HSD17B12: variants seen among roughly 807,000 people sequenced by gnomAD.
HSD17B12 encodes very-long-chain 3-oxoacyl-CoA reductase.
In HSD17B12, 32 loss-of-function variants were observed where a neutral mutation model predicts 39.3. That is an observed-to-expected ratio of 0.81 (90% CI 0.61 to 1.09). The LOEUF is 1.09. Ranked by LOEUF, HSD17B12 falls within the 50% of genes least tolerant of loss-of-function variation. The pLI is 0.00. For missense variants in HSD17B12, 342 were observed against 382.9 expected, an observed-to-expected ratio of 0.89 and a Z score of 0.89; for synonymous variants, 150 against 146.7, an observed-to-expected ratio of 1.02 and a Z score of -0.16.
chr11:43,709,289 C>A (rs1000157269), intron 1 of HSD17B12, among the ~76,000 whole-genome samples: 1 of 152,214 alleles, frequency 6.6e-6, no homozygotes, highest in South Asian at 2.1e-4. Context: ...CCACACCTGG[C>A]TAAGTTTTGT....
At chr11:43,702,793 A>G (rs991634429) in intron 1 of HSD17B12, among the ~76,000 whole-genome samples, 28 of 152,060 alleles carry the variant, frequency 1.8e-4, no homozygotes, top group African/African-American at 6.3e-4. Context: ...TTTCTAAAAC[A>G]TGAGATTTTT....
intron 3 of HSD17B12, among the ~76,000 whole-genome samples, chr11:43,777,544 G>A (rs1025003420): frequency 2.0e-5 from 3 of 152,096 alleles, no homozygotes; most frequent in African/African-American, 2.4e-5. Context: ...CAATCATGTT[G>A]TCTGCAAACA....
chr11:43,810,420 C>T (rs61883825), intron 4 of HSD17B12, among the ~76,000 whole-genome samples: 7,626 of 128,338 alleles, frequency 0.059, 241 homozygotes, highest in African/African-American at 0.076. Flanking sequence ...AGAATTATTC[C>T]GTGGATTTTC....
At chr11:43,682,792 T>TC (rs1181357770) in intron 1 of HSD17B12, among the ~76,000 whole-genome samples, 1 of 149,784 alleles carries the variant, frequency 6.7e-6, no homozygotes, top group Non-Finnish European at 1.5e-5. Context: ...TTTCTTTTCT[T>TC]TTTTTTTTTG....
chr11:43,628,095 C>G, the HSD17B12 span, among the ~76,000 whole-genome samples: 7 of 149,462 alleles, frequency 4.7e-5, no homozygotes, highest in Admixed American at 3.3e-4. Context: ...ATAGTGATAC[C>G]CCATTTTGCT....
chr11:43,606,678 C>T, the HSD17B12 span, among the ~76,000 whole-genome samples: 1 of 152,200 alleles, frequency 6.6e-6, no homozygotes, highest in Non-Finnish European at 1.5e-5. Context: ...TAGTGCAGAG[C>T]TCTAAGCAGG....
Position 43,683,034 on chromosome 11 carries a change from C to CTCCCAAAGGAA in HSD17B12, c.160+2050_160+2051insCAAAGGAATCC, listed in dbSNP as rs1590655614. Among the ~76,000 whole-genome samples the CTCCCAAAGGAA allele has an allele frequency of 3.3e-5, 5 of 151,586 alleles. No individual in the cohort carries two copies. The East Asian group carries it at 9.6e-4, about 29-fold the overall frequency. ...CTGGAAGACCTGAGATCAAGCAATC[C>CTCCCAAAGGAA]TCCTGCTTCAGCCTCCCAAAGTGCT... On this transcript the variant is annotated intron_variant, in intron 1 of 10. Coordinates refer to ENST00000278353, the MANE Select transcript of HSD17B12 (RefSeq NM_016142.3).
chr11:43,823,911 G>C (rs1951207338), intron 6 of HSD17B12, among the ~76,000 whole-genome samples: 1 of 152,128 alleles, frequency 6.6e-6, no homozygotes, highest in Admixed American at 6.5e-5. Context: ...CCTAATCTTT[G>C]AATCTGCCAG....
At chr11:43,687,161 C>T (rs1949809040) in intron 1 of HSD17B12, among the ~76,000 whole-genome samples, 1 of 152,150 alleles carries the variant, frequency 6.6e-6, no homozygotes. Context: ...ACAGTGCATC[C>T]TTTATTTCAT....
At chr11:43,836,304 G>T (rs1451740186) in intron 7 of HSD17B12, among the ~76,000 whole-genome samples, 1 of 152,112 alleles carries the variant, frequency 6.6e-6, no homozygotes, top group Non-Finnish European at 1.5e-5. Context: ...GTGAGAAAAG[G>T]TTAAAATAAA....
the HSD17B12 span, among the ~76,000 whole-genome samples, chr11:43,648,462 T>A: frequency 7.1e-4 from 108 of 152,234 alleles, no homozygotes; most frequent in African/African-American, 2.4e-3. Context: ...TCTTTTTCTG[T>A]TATTAACAGT....
intron 3 of HSD17B12, among the ~76,000 whole-genome samples, chr11:43,765,182 T>C (rs1384654983): frequency 1.3e-5 from 2 of 152,150 alleles, no homozygotes; most frequent in Non-Finnish European, 2.9e-5. Flanking sequence ...TTCCCCTGTC[T>C]GAAGGTCTTC....
the HSD17B12 span, among the ~76,000 whole-genome samples, chr11:43,572,863 C>T: frequency 1.3e-5 from 2 of 152,188 alleles, no homozygotes; most frequent in Non-Finnish European, 2.9e-5. Context: ...AATCCTTTTC[C>T]TAGACTTCCT....
At chr11:43,747,078 A>G (rs1487001767) in intron 1 of HSD17B12, among the ~76,000 whole-genome samples, 3 of 152,204 alleles carry the variant, frequency 2.0e-5, no homozygotes, top group Non-Finnish European at 2.9e-5. Flanking sequence ...GACTTTTGAG[A>G]AACCAGGTTG....
chr11:43,567,342 C>T, the HSD17B12 span, among the ~76,000 whole-genome samples: 1 of 152,188 alleles, frequency 6.6e-6, no homozygotes, highest in South Asian at 2.1e-4. Context: ...TCTAGCCCAA[C>T]TTGCAAATGG....
At chr11:43,752,283 C>T (rs557295825) in intron 2 of HSD17B12, among the ~76,000 whole-genome samples, 8 of 152,132 alleles carry the variant, frequency 5.3e-5, no homozygotes, top group South Asian at 2.1e-4. Flanking sequence ...TGATTATAAA[C>T]GTAATTAATA....
At chr11:43,771,555 C>T (rs1950650265) in intron 3 of HSD17B12, among the ~76,000 whole-genome samples, 1 of 150,534 alleles carries the variant, frequency 6.6e-6, no homozygotes, top group African/African-American at 2.5e-5. Context: ...CAACCTCCAC[C>T]TCCCGGGCTC....
At chr11:43,788,596 T>A (rs1324947194) in intron 3 of HSD17B12, among the ~76,000 whole-genome samples, 1 of 149,690 alleles carries the variant, frequency 6.7e-6, no homozygotes, top group African/African-American at 2.5e-5. Flanking sequence ...ACGGGACTAA[T>A]GAAGCAGCTG....
chr11:43,717,204 C>G (rs900888734), intron 1 of HSD17B12, among the ~76,000 whole-genome samples: 2 of 152,152 alleles, frequency 1.3e-5, no homozygotes, highest in African/African-American at 4.8e-5. Flanking sequence ...GTTTTTGTTC[C>G]TCTTACTGGA....
Sources: gnomAD v4.1 joint callset for allele counts (sites outside exome capture counted in the v4.1 genomes callset) on GRCh38, gnomAD v4.1.1 for gene constraint, MANE v1.5 for transcripts, NCBI Gene and HGNC (gene_info 2026-07-23, HGNC 2026-07-21) for gene names.